Variants in POLN observed in about 807,000 individuals in gnomAD.
The protein encoded by POLN is DNA polymerase N.
Under a neutral mutation model 113.5 loss-of-function variants are expected in POLN, and 108 were observed. The observed-to-expected ratio is 0.95, with a 90% confidence interval of 0.81 to 1.12. The LOEUF (loss-of-function observed/expected upper bound fraction) is 1.12, where lower values mean the gene tolerates loss of function less well. POLN is among the 50% of genes most tolerant of loss of function. The pLI, the probability that POLN is intolerant of heterozygous loss-of-function variation, is 0.00. For synonymous variants in POLN, 386 were observed against 391.5 expected (o/e 0.99, Z 0.17); for missense variants, 1,097 against 1,077.1 (o/e 1.02, Z -0.26).
In POLN at chr4:2,157,876, T is replaced by A; in HGVS notation, c.1647A>T (p.Leu549Phe). Residue 549 changes from leucine (L) to phenylalanine (F), a missense_variant, in exon 15 of 26, where the codon TTA becomes TTT. By Grantham distance (22) the Leu-to-Phe change is conservative (BLOSUM62 0). Coordinates refer to ENST00000511885, the MANE Select transcript of POLN (RefSeq NM_181808.4). ...HKIKSTFVDGLLACMKKGSIS... is the reference protein window; with the variant it reads ...HKIKSTFVDGFLACMKKGSIS... Reference sequence around the variant, plus strand: ...TTGTTACCTTTTTCATGCAAGCTAGTAATCCATCTACAAAGGTTGACTTGA... The same window carrying A: ...TTGTTACCTTTTTCATGCAAGCTAGAAATCCATCTACAAAGGTTGACTTGA... 6.2e-7 allele frequency: 1 copy of A among 1,608,474 alleles called. No homozygotes were observed. Among genetic ancestry groups the A allele is most frequent in the Non-Finnish European group, 8.5e-7 (1 of 1,175,504 alleles).
At chr4:2,164,095 A>G (rs1284596854) in intron 13 of POLN, among the ~76,000 whole-genome samples, 1 of 152,190 alleles carries the variant, frequency 6.6e-6, no homozygotes, top group Non-Finnish European at 1.5e-5. Context: ...TCTGTTCTAA[A>G]AATCCTCTAA....
chr4:2,237,139 G>C (rs1734794481), intron 2 of POLN, among the ~76,000 whole-genome samples: 1 of 152,004 alleles, frequency 6.6e-6, no homozygotes, highest in Admixed American at 6.6e-5. Context: ...ATGTCTCATA[G>C]AATATAACTA....
intron 24 of POLN, among the ~76,000 whole-genome samples, chr4:2,075,182 G>A (rs1394323179): frequency 6.6e-6 from 1 of 152,216 alleles, no homozygotes; most frequent in Admixed American, 6.5e-5. Flanking sequence ...GTCTGCAGCT[G>A]CTGTCTGCAG....
At chr4:2,090,350 C>T in intron 20 of POLN, 1 of 742,378 alleles carries the variant, frequency 1.3e-6, no homozygotes, top group Non-Finnish European at 2.3e-6. Context: ...CAAGTACTTT[C>T]TCTCATGTGA....
intron 4 of POLN, among the ~76,000 whole-genome samples, chr4:2,209,511 G>A (rs1010935581): frequency 2.0e-5 from 3 of 149,976 alleles, no homozygotes; most frequent in Admixed American, 1.3e-4. Flanking sequence ...ATTAAACCCA[G>A]CTCAATAGCA....
chr4:2,233,868 G>A lies in POLN; in HGVS notation c.-12-4625C>T, dbSNP rs1373997116. Among the ~76,000 whole-genome samples, 4 of 152,198 alleles carry A rather than the reference G, an allele frequency of 2.6e-5. No homozygotes were observed. The South Asian group carries it at 8.3e-4, about 32-fold the overall frequency. On this transcript the variant is annotated intron_variant, in intron 2 of 25. Coordinates refer to ENST00000511885, the MANE Select transcript of POLN (RefSeq NM_181808.4). Reference sequence around the variant, plus strand: ...GGTGTCTAGTAGACACTTATATAGTGCTGGTAGCATTATAAACTCCTTTAA... The same window carrying A: ...GGTGTCTAGTAGACACTTATATAGTACTGGTAGCATTATAAACTCCTTTAA...
chr4:2,207,874 G>T, intron 5 of POLN, 113 bp downstream of exon 5: 1 of 1,224,244 alleles, frequency 8.2e-7, no homozygotes, highest in Non-Finnish European at 1.1e-6. Context: ...CACTGGAGGG[G>T]AAGGAAAGCC....
chr4:2,122,756 T>G (rs2108719937), intron 19 of POLN, among the ~76,000 whole-genome samples: 1 of 152,204 alleles, frequency 6.6e-6, no homozygotes, highest in Admixed American at 6.5e-5. Context: ...GGATGGGTAT[T>G]TTACCACAAT....
intron 13 of POLN, among the ~76,000 whole-genome samples, chr4:2,159,517 T>C (rs908971027): frequency 7.2e-5 from 11 of 152,220 alleles, no homozygotes; most frequent in Non-Finnish European, 1.5e-4. Flanking sequence ...TACAAACGTA[T>C]AGCTCGATAA....
chr4:2,129,072 AAAAAG>A, intron 18 of POLN, 102 bp downstream of exon 18: 1 of 821,246 alleles, frequency 1.2e-6, no homozygotes, highest in South Asian at 1.8e-5. Flanking sequence ...AAAAAAAAAA[AAAAAG>A]AATTTATTTG....
rs768651461 is a variant in POLN at position 2,071,972 on chromosome 4, C to A, written c.*142G>T. The A allele has an allele frequency of 2.8e-4, 258 of 924,178 alleles. 1 individual carries two copies. Among genetic ancestry groups the A allele is most frequent in the Non-Finnish European group, 4.1e-4 (227 of 560,434 alleles). 57.2% of individuals were successfully genotyped at this position (924,178 alleles called of 1,614,324 possible). ...AGACAAGGATGAGGAGGGCTTTGCA[C>A]AGGCATTTACTCCAGGGGATGGCGG... On this transcript the variant is annotated 3_prime_UTR_variant, in exon 26 of 26. Transcript: ENST00000511885. The surrounding 1 kb of genome is among the most constrained non-coding windows in gnomAD (Gnocchi z 5.2).
chr4:2,198,909 T>C (rs1475526790), intron 5 of POLN, among the ~76,000 whole-genome samples, 192 bp from the exon 6 acceptor site: 2 of 152,042 alleles, frequency 1.3e-5, no homozygotes, highest in South Asian at 2.1e-4. Context: ...CTCTACCCTG[T>C]CCAACATCAT....
intron 3 of POLN, among the ~76,000 whole-genome samples, chr4:2,217,779 T>C (rs144693716): frequency 2.0e-5 from 3 of 152,344 alleles, no homozygotes; most frequent in Non-Finnish European, 4.4e-5. Flanking sequence ...ACAAGGTCTG[T>C]TGGGTTGGAA....
chr4:2,113,474 G>A (rs537210923), intron 19 of POLN, among the ~76,000 whole-genome samples: 35 of 151,916 alleles, frequency 2.3e-4, no homozygotes, highest in African/African-American at 6.8e-4. Context: ...CAGGGACAGC[G>A]TAAGTACTTT....
chr4:2,193,179 A>G, intron 7 of POLN, 25 bp downstream of exon 7: 7 of 1,503,180 alleles, frequency 4.7e-6, no homozygotes, highest in Non-Finnish European at 6.4e-6. Flanking sequence ...GTTAAATTAT[A>G]GAGAGAATAA....
chr4:2,146,429 C>T (rs1470121653), intron 16 of POLN, among the ~76,000 whole-genome samples: 1 of 152,200 alleles, frequency 6.6e-6, no homozygotes, highest in African/African-American at 2.4e-5. Flanking sequence ...TGCTTGAACC[C>T]AGGAGGCGGA....
At chr4:2,229,416 C>G (rs1288450945) in intron 2 of POLN, 173 bp from the exon 3 acceptor site, 1 of 497,906 alleles carries the variant, frequency 2.0e-6, no homozygotes, top group African/African-American at 2.0e-5. Context: ...AAGAAAAAAG[C>G]AAAATAGCTA....
At chr4:2,238,573 A>G (rs1168487250) in intron 2 of POLN, 4 of 1,385,276 alleles carry the variant, frequency 2.9e-6, no homozygotes, top group Non-Finnish European at 3.9e-6. Context: ...AAAAGGAAAT[A>G]TTTACTAAAG....
chr4:2,238,708 A>T, intron 2 of POLN: 1 of 1,613,340 alleles, frequency 6.2e-7, no homozygotes, highest in Non-Finnish European at 8.5e-7. Flanking sequence ...GCATCATGTT[A>T]CTTTGACTAA....
Sources: allele counts gnomAD v4.1 joint callset (sites outside exome capture counted in the v4.1 genomes callset), GRCh38; gene constraint gnomAD v4.1.1; non-coding constraint Gnocchi (gnomAD v3.1); transcripts MANE v1.5; gene names NCBI Gene and HGNC (gene_info 2026-07-23, HGNC 2026-07-21).